The following MTMR8 variants were observed in gnomAD, a reference collection of about 807,000 sequenced individuals.
MTMR8 encodes the protein phosphatidylinositol-3,5-bisphosphate 3-phosphatase MTMR8.
A neutral mutation model predicts 39.3 loss-of-function variants in MTMR8; 65 were observed. The ratio of observed to expected loss-of-function variants is 1.65; its 90% CI spans 1.35 to 2.03. The LOEUF is 2.03. Among genes scored for constraint, MTMR8 ranks in the 30% most tolerant of loss-of-function variants. MTMR8 has a pLI of 0.00. For synonymous variants in MTMR8, 245 were observed against 185.2 expected (o/e 1.32, Z -2.62); for missense variants, 777 against 538.9 (o/e 1.44, Z -4.37).
At chrX:64,298,098 G>GT (rs1488700133) in intron 12 of MTMR8, among the ~76,000 whole-genome samples, 11 of 81,054 alleles carry the variant, frequency 1.4e-4, no homozygotes, top group Non-Finnish European at 2.1e-4. Context: ...CTTTAAAGTA[G>GT]TTTTTTCCAA....
chrX:64,279,621 T>A (rs1931959381), intron 12 of MTMR8, among the ~76,000 whole-genome samples: 1 of 111,411 alleles, frequency 9.0e-6, no homozygotes, highest in Non-Finnish European at 1.9e-5. Context: ...TTTACAGAAA[T>A]GGAAAAAATA....
chrX:64,342,228 T>C (rs1923238070), intron 8 of MTMR8, among the ~76,000 whole-genome samples: 1 of 112,590 alleles, frequency 8.9e-6, no homozygotes, highest in African/African-American at 3.2e-5. Context: ...GAACAATGGA[T>C]TGTGGCTATC....
intron 11 of MTMR8, chrX:64,331,321 T>A: frequency 5.2e-6 from 2 of 386,163 alleles, no homozygotes; most frequent in Non-Finnish European, 9.2e-6. Flanking sequence ...TTTTACTGGA[T>A]CCTCATGACT....
chrX:64,392,636 G>T (rs1473400992), intron 1 of MTMR8, among the ~76,000 whole-genome samples: 1 of 110,684 alleles, frequency 9.0e-6, no homozygotes, highest in Non-Finnish European at 1.9e-5. Flanking sequence ...AGTAGCGGTT[G>T]CACAGGTGTG....
chrX:64,349,770 T>C (rs1026762635), intron 5 of MTMR8, among the ~76,000 whole-genome samples, 172 bp downstream of exon 5: 3 of 111,939 alleles, frequency 2.7e-5, no homozygotes, highest in African/African-American at 9.7e-5. Context: ...ACAAAGTACA[T>C]TGTACATATT....
intron 1 of MTMR8, among the ~76,000 whole-genome samples, chrX:64,382,676 C>T (rs1050068567): frequency 9.0e-6 from 1 of 111,461 alleles, no homozygotes; most frequent in Admixed American, 9.6e-5. Flanking sequence ...ATCCCTGTCT[C>T]ATGCCAGTTT....
intron 1 of MTMR8, among the ~76,000 whole-genome samples, chrX:64,390,781 G>A (rs866915838): frequency 4.5e-5 from 5 of 109,926 alleles, no homozygotes; most frequent in Admixed American, 9.7e-5. Flanking sequence ...CCAGCCTCTC[G>A]AGTAGCTGAG....
chrX:64,380,441 T>C (rs1262231770), intron 1 of MTMR8, among the ~76,000 whole-genome samples: 1 of 112,711 alleles, frequency 8.9e-6, no homozygotes, highest in Non-Finnish European at 1.9e-5. Flanking sequence ...GTTAACTTAA[T>C]TGGCCTGAGG....
intron 1 of MTMR8, among the ~76,000 whole-genome samples, chrX:64,369,470 T>C (rs1602151801): frequency 9.0e-6 from 1 of 111,296 alleles, no homozygotes; most frequent in East Asian, 2.8e-4. Context: ...TGCAGGGACA[T>C]GGATGAAGCT....
Position 64,331,777 on chromosome X carries a change from G to A in MTMR8, c.1152-20C>T. On this transcript the variant is annotated intron_variant, in intron 10 of 13. Coordinates refer to ENST00000374852, the MANE Select transcript of MTMR8 (RefSeq NM_017677.4). ...CCACACCTGAGAGATGAAAATAAAG[G>A]TAAAGAAAGACACTAGTTAGCATTA... 2 of 1,153,281 alleles carry A rather than the reference G, an allele frequency of 1.7e-6. No individual in the cohort carries two copies. The highest frequency in any genetic ancestry group is 2.4e-4 in the Middle Eastern group (1 of 4,177).
chrX:64,301,657 G>A (rs1921881040), intron 12 of MTMR8, among the ~76,000 whole-genome samples: 2 of 110,647 alleles, frequency 1.8e-5, no homozygotes, highest in Non-Finnish European at 3.8e-5. Flanking sequence ...GGTGCTCTGC[G>A]TTTTAGAGTT....
chrX:64,331,925 C>G (rs957834200), intron 10 of MTMR8, among the ~76,000 whole-genome samples, 168 bp from the exon 11 acceptor site: 8 of 111,656 alleles, frequency 7.2e-5, no homozygotes, highest in African/African-American at 2.3e-4. Context: ...CCCAGCAGAC[C>G]TCTTAGCTGC....
At chrX:64,278,251 C>T (rs759751744) in intron 12 of MTMR8, among the ~76,000 whole-genome samples, 11 of 108,746 alleles carry the variant, frequency 1.0e-4, no homozygotes, top group Middle Eastern at 4.8e-3. Flanking sequence ...AACTCATTCT[C>T]CCTCTAGTTT....
intron 1 of MTMR8, among the ~76,000 whole-genome samples, chrX:64,385,949 G>T (rs1330736509): frequency 9.0e-6 from 1 of 111,044 alleles, no homozygotes; most frequent in Admixed American, 9.6e-5. Flanking sequence ...AACCAATAGG[G>T]AGTCACTCAA....
At chrX:64,394,352 T>A (rs1924768058) in intron 1 of MTMR8, among the ~76,000 whole-genome samples, 1 of 111,739 alleles carries the variant, frequency 8.9e-6, no homozygotes. Flanking sequence ...TCAGAGAGGT[T>A]AAATAATTTG....
chrX:64,389,098 A>T (rs1223238340), intron 1 of MTMR8, among the ~76,000 whole-genome samples: 1 of 112,038 alleles, frequency 8.9e-6, no homozygotes, highest in African/African-American at 3.2e-5. Flanking sequence ...AAATGAAGAT[A>T]ATAGTATTGT....
intron 12 of MTMR8, among the ~76,000 whole-genome samples, chrX:64,301,871 G>T (rs1921891365): frequency 8.9e-6 from 1 of 111,922 alleles, no homozygotes; most frequent in South Asian, 3.8e-4. Flanking sequence ...TCCCAGTTAG[G>T]CTGCTTGGGG....
At chrX:64,319,494 A>G (rs1296887186) in intron 12 of MTMR8, among the ~76,000 whole-genome samples, 2 of 112,039 alleles carry the variant, frequency 1.8e-5, no homozygotes, top group African/African-American at 6.5e-5. Flanking sequence ...TATGTCCTGA[A>G]TGGTATTGCC....
intron 4 of MTMR8, among the ~76,000 whole-genome samples, chrX:64,351,554 A>G (rs1380231973): frequency 9.0e-6 from 1 of 111,096 alleles, no homozygotes; most frequent in African/African-American, 3.3e-5. Context: ...GACTCATACA[A>G]TCAAAAGGTA....
Sources: gnomAD v4.1 joint callset for allele counts (sites outside exome capture counted in the v4.1 genomes callset) on GRCh38, gnomAD v4.1.1 for gene constraint, MANE v1.5 for transcripts, NCBI Gene and HGNC (gene_info 2026-07-23, HGNC 2026-07-21) for gene names.